The following THSD4 variants were observed in gnomAD, a reference collection of about 807,000 sequenced individuals.
THSD4 encodes the protein thrombospondin type-1 domain-containing protein 4.
Under a neutral mutation model 119.0 loss-of-function variants are expected in THSD4, and 69 were observed. That is an observed-to-expected ratio of 0.58 (90% CI 0.48 to 0.71). The LOEUF is 0.71. Among genes scored for constraint, THSD4 ranks in the 30% least tolerant of loss-of-function variants. The pLI is 0.00. For missense variants in THSD4, 1,393 were observed against 1,391.1 expected (o/e 1.00, Z -0.02); for synonymous variants, 524 against 540.4 (o/e 0.97, Z 0.42).
chr15:71,774,562 T>C (rs1014719238), intron 17 of THSD4, among the ~76,000 whole-genome samples: 6 of 152,128 alleles, frequency 3.9e-5, no homozygotes, highest in Non-Finnish European at 5.9e-5. Flanking sequence ...TTATTACCTT[T>C]GACTTAATAA....
At chr15:71,391,012 C>T (rs2046369929) in intron 6 of THSD4, among the ~76,000 whole-genome samples, 1 of 149,030 alleles carries the variant, frequency 6.7e-6, no homozygotes, top group Admixed American at 6.8e-5. Flanking sequence ...AGGCATAAGC[C>T]ACCATGCCGG....
At chr15:71,540,530 G>C (rs1486418253) in intron 7 of THSD4, among the ~76,000 whole-genome samples, 3 of 145,434 alleles carry the variant, frequency 2.1e-5, no homozygotes, top group Non-Finnish European at 3.0e-5. Context: ...CTGGGTTCAA[G>C]TGATTCTCTT....
At chr15:71,724,039 G>A (rs569948759) in intron 8 of THSD4, among the ~76,000 whole-genome samples, 1 of 146,468 alleles carries the variant, frequency 6.8e-6, no homozygotes, top group African/African-American at 2.5e-5. Flanking sequence ...CTGCAGCCTG[G>A]GAAACAGGAG....
intron 6 of THSD4, among the ~76,000 whole-genome samples, chr15:71,283,905 G>A (rs550640569): frequency 1.2e-4 from 18 of 152,194 alleles, no homozygotes; most frequent in Non-Finnish European, 1.6e-4. Flanking sequence ...AGACTCTGGT[G>A]GGGGAGGGAA....
In THSD4 at chr15:71,197,693, T is replaced by G. The variant is rs12324183; in HGVS notation, c.100-17342T>G. On this transcript the variant is annotated intron_variant, in intron 3 of 17. Coordinates refer to ENST00000261862, the MANE Select transcript of THSD4 (RefSeq NM_024817.3). ...CTCCATGGGCTGTGTGGATTGGCCTTTGTTCTCCAAGGGCCACCAAGAAGA... is the reference window on the plus strand; with the variant it reads ...CTCCATGGGCTGTGTGGATTGGCCTGTGTTCTCCAAGGGCCACCAAGAAGA... Among the ~76,000 whole-genome samples the G allele has an allele frequency of 8.2e-3, 1,241 of 152,084 alleles. 17 individuals carry two copies. Among genetic ancestry groups the G allele is most frequent in the African/African-American group, 0.028 (1,150 of 41,482 alleles).
At chr15:71,217,840 G>A (rs568506337) in intron 4 of THSD4, among the ~76,000 whole-genome samples, 17 of 140,550 alleles carry the variant, frequency 1.2e-4, no homozygotes, top group African/African-American at 4.6e-4. Context: ...AGGCTAGAGT[G>A]CAGTGGTACC....
At chr15:71,448,366 C>G (rs540333035) in intron 7 of THSD4, among the ~76,000 whole-genome samples, 1 of 152,270 alleles carries the variant, frequency 6.6e-6, no homozygotes, top group South Asian at 2.1e-4. Flanking sequence ...CGGTCCTTAT[C>G]TCAAGTCTAA....
intron 5 of THSD4, 91 bp from the exon 6 acceptor site, chr15:71,256,522 A>G (rs2044318916): frequency 1.2e-6 from 1 of 849,250 alleles, no homozygotes; most frequent in African/African-American, 1.8e-5. Flanking sequence ...AAAAATAAAT[A>G]AAGTTGGAAA....
At chr15:71,748,733 T>C in intron 14 of THSD4, 139 bp downstream of exon 14, 63 of 902,478 alleles carry the variant, frequency 7.0e-5, no homozygotes, top group Non-Finnish European at 9.3e-5. Context: ...AGAGAGGAAT[T>C]ATCGTAGGCT....
intron 9 of THSD4, 176 bp from the exon 10 acceptor site, chr15:71,730,945 C>A: frequency 1.7e-6 from 1 of 597,114 alleles, no homozygotes; most frequent in Non-Finnish European, 3.0e-6. Context: ...AAGTAAATGA[C>A]AAAAAGCCAT....
intron 7 of THSD4, among the ~76,000 whole-genome samples, chr15:71,472,223 G>GT (rs1367874121): frequency 6.6e-6 from 1 of 152,122 alleles, no homozygotes; most frequent in Non-Finnish European, 1.5e-5. Flanking sequence ...GGCCTAGTAA[G>GT]TTTTTTATCC....
intron 7 of THSD4, among the ~76,000 whole-genome samples, chr15:71,479,111 C>G (rs1466047455): frequency 2.3e-5 from 3 of 129,668 alleles, no homozygotes; most frequent in Non-Finnish European, 4.7e-5. Context: ...TTTTGGCAAG[C>G]CATGTCTGGG....
At chr15:71,276,325 A>G (rs1197787333) in intron 6 of THSD4, among the ~76,000 whole-genome samples, 1 of 152,188 alleles carries the variant, frequency 6.6e-6, no homozygotes, top group African/African-American at 2.4e-5. Context: ...GTCACCCCGC[A>G]TCTTCTTTTT....
rs114503288 is a variant in THSD4, at chr15:71,313,238, G to A, written c.1015+56523G>A. Among the ~76,000 whole-genome samples, 1,023 of 152,140 alleles carry A rather than the reference G, an allele frequency of 6.7e-3. 9 individuals carry two copies. The highest frequency in any genetic ancestry group is 0.023 in the African/African-American group (954 of 41,494). On this transcript the variant is annotated intron_variant, in intron 6 of 17. Transcript: ENST00000261862. ...ATTCAAGCCTTAGTCACTGAATTTA[G>A]TTGGCCCCTGGTATCCCTTTGGCAC...
At chr15:71,692,241 T>C (rs1202704345) in intron 8 of THSD4, among the ~76,000 whole-genome samples, 1 of 152,212 alleles carries the variant, frequency 6.6e-6, no homozygotes, top group Non-Finnish European at 1.5e-5. Context: ...TTAATTTCAA[T>C]GTTTCTATTA....
Position 71,777,362 on chromosome 15 carries a change from G to A in THSD4, c.3045G>A (p.Leu1015=). 6.2e-7 allele frequency: 1 copy of A among 1,613,802 alleles called. No homozygotes were observed. The highest frequency in any genetic ancestry group is 8.5e-7 in the Non-Finnish European group (1 of 1,179,946). Residue 1015 remains leucine, a synonymous_variant, in exon 18 of 18, where the codon CTG becomes CTA. Transcript: ENST00000261862. Reference sequence around the variant, plus strand: ...TGGCCAACAGGCAGACGGGCTTCCTGGGGAGCAGATAACACTCCTGCACCC... The same window carrying A: ...TGGCCAACAGGCAGACGGGCTTCCTAGGGAGCAGATAACACTCCTGCACCC... ...TRVANRQTGF[L]GSR is the part of the protein sequence containing the mutation.
intron 4 of THSD4, among the ~76,000 whole-genome samples, chr15:71,225,174 C>T (rs1175821574): frequency 2.0e-5 from 3 of 152,304 alleles, no homozygotes; most frequent in Admixed American, 2.0e-4. Context: ...CATCCCCACC[C>T]TACCCTTAAG....
intron 1 of THSD4, among the ~76,000 whole-genome samples, chr15:71,117,969 C>G (rs1451948279): frequency 6.6e-6 from 1 of 152,026 alleles, no homozygotes; most frequent in African/African-American, 2.4e-5. Flanking sequence ...AAAGAAATAA[C>G]CGCAATACAA....
intron 5 of THSD4, among the ~76,000 whole-genome samples, chr15:71,249,474 CATG>C (rs2044238425): frequency 6.8e-6 from 1 of 147,940 alleles, no homozygotes; most frequent in Admixed American, 6.8e-5. Flanking sequence ...TGTCATTTTT[CATG>C]ATTATAGAAA....
Sources: gnomAD v4.1 joint callset for allele counts (sites outside exome capture counted in the v4.1 genomes callset) on GRCh38, gnomAD v4.1.1 for gene constraint, MANE v1.5 for transcripts, NCBI Gene and HGNC (gene_info 2026-07-23, HGNC 2026-07-21) for gene names.